The following CEP290 variants were observed in gnomAD, a reference collection of about 807,000 sequenced individuals.
CEP290 encodes the protein centrosomal protein of 290 kDa.
A neutral mutation model predicts 344.9 loss-of-function variants in CEP290; 317 were observed. The ratio of observed to expected loss-of-function variants is 0.92; its 90% CI spans 0.84 to 1.01. The LOEUF is 1.01. CEP290 is among the 50% of genes least tolerant of loss of function. The pLI is 0.00. For synonymous variants in CEP290, 932 were observed against 895.8 expected (o/e 1.04, Z -0.72); for missense variants, 2,754 against 2,761.4 (o/e 1.00, Z 0.06).
At chr12:88,123,041 A>C (rs1234061551) in intron 13 of CEP290, among the ~76,000 whole-genome samples, 3 of 152,046 alleles carry the variant, frequency 2.0e-5, no homozygotes, top group African/African-American at 7.2e-5. Context: ...AGCCACCTAC[A>C]TCGATATCTA....
intron 27 of CEP290, among the ~76,000 whole-genome samples, chr12:88,095,351 A>C (rs1198092171): frequency 6.6e-6 from 1 of 152,160 alleles, no homozygotes; most frequent in African/African-American, 2.4e-5. Flanking sequence ...TTTTTAAACA[A>C]AGATATAAGG....
chr12:88,081,210 G>A (rs1035623482), intron 37 of CEP290, among the ~76,000 whole-genome samples: 1 of 151,926 alleles, frequency 6.6e-6, no homozygotes, highest in African/African-American at 2.4e-5. Flanking sequence ...TCCAGACATC[G>A]CCAAATGTCC....
chr12:88,089,463 T>C lies in CEP290; in HGVS notation c.3598A>G (p.Ile1200Val). 1.3e-6 allele frequency: 2 copies of C among 1,557,040 alleles called. No homozygotes were observed. The highest frequency in any genetic ancestry group is 1.7e-6 in the Non-Finnish European group (2 of 1,149,000). ...YQAQSDEKSL[I>V]AKLHQHNVSL... is the part of the protein sequence containing the mutation. Reference sequence around the variant, plus strand: ...ACATTATGTTGGTGCAACTTGGCAATGAGCGACTTTTCATCAGACTGTGCC... The same window carrying C: ...ACATTATGTTGGTGCAACTTGGCAACGAGCGACTTTTCATCAGACTGTGCC... The change falls in exon 31 of 54, where the codon ATT (isoleucine) becomes GTT (valine). Residue 1200 changes from isoleucine (I) to valine (V), a missense_variant. Coordinates refer to ENST00000552810, the MANE Select transcript of CEP290 (RefSeq NM_025114.4).
rs374880567 is a variant in CEP290, at chr12:88,086,520, T to C, written c.4195-22A>G. On this transcript the variant is annotated intron_variant, in intron 32 of 53. Transcript: ENST00000552810. ...GAAACTAAAAAAAGGACAATTTGTG[T>C]CAGACACATACACGAAGACATCAGG... 1.4e-5 allele frequency: 22 copies of C among 1,536,468 alleles called. No homozygotes were observed. The African/African-American group carries it at 2.0e-4, about 14-fold the overall frequency.
intron 2 of CEP290, 63 bp from the exon 3 acceptor site, chr12:88,141,096 T>C (rs1246615464): frequency 2.9e-6 from 4 of 1,359,892 alleles, no homozygotes; most frequent in Middle Eastern, 3.7e-4. Context: ...ATAAGAACAC[T>C]TCCAGATTGT....
rs1204519978 is a variant in CEP290 at position 88,140,891 on chromosome 12, T to C, written c.180+65A>G. ...GTATTTTCACAAAGATTACCTTATA[T>C]AAGAACAGATTTTTATAGTTCCACT... On this transcript the variant is annotated intron_variant, in intron 3 of 53. Coordinates refer to ENST00000552810, the MANE Select transcript of CEP290 (RefSeq NM_025114.4). 5 of 1,062,768 alleles carry C rather than the reference T, an allele frequency of 4.7e-6. No individual in the cohort carries two copies. In the African/African-American group the frequency reaches 6.6e-5, roughly 14 times the overall value. The allele number at this position is 1,062,768 out of a possible 1,614,324, so 65.8% of individuals were successfully genotyped here. A position where few individuals can be genotyped will look rare whatever the true frequency, so the allele number is the denominator to read the frequency against.
chr12:88,129,238 A>G (rs1197580879), intron 10 of CEP290, among the ~76,000 whole-genome samples: 1 of 151,976 alleles, frequency 6.6e-6, no homozygotes, highest in Non-Finnish European at 1.5e-5. Context: ...TATAGGTGAC[A>G]TTTAATAGTT....
chr12:88,049,992 A>AAG (rs1266947623), intron 53 of CEP290: 1 of 187,734 alleles, frequency 5.3e-6, no homozygotes, highest in Non-Finnish European at 1.1e-5. Flanking sequence ...ACAGTCTTAA[A>AAG]AGAGGTAAAA....
chr12:88,112,349 C>T (rs149283028), intron 20 of CEP290, among the ~76,000 whole-genome samples: 1 of 152,176 alleles, frequency 6.6e-6, no homozygotes, highest in Non-Finnish European at 1.5e-5. Context: ...CAATATTGAA[C>T]AATTGATCAA....
At position 88,053,633 on chromosome 12, in the gene CEP290, GT is replaced by G; in HGVS notation, c.7129+18del. The G allele has an allele frequency of 2.5e-6, 3 of 1,209,938 alleles. No homozygotes were observed. Among genetic ancestry groups the G allele is most frequent in the Admixed American group, 2.1e-5 (1 of 48,654 alleles). The allele number at this position is 1,209,938 out of a possible 1,614,324, so 75.0% of individuals were successfully genotyped here. On this transcript the variant is annotated intron_variant, in intron 52 of 53. Transcript: ENST00000552810. ...TCAAAAACTTGGGGGTAGCTAACAT[GT>G]TTTTTAAAATACATTACCAGGTATG... is the stretch of plus-strand genomic sequence containing the variant.
intron 13 of CEP290, among the ~76,000 whole-genome samples, chr12:88,123,045 A>AT (rs2039509133): frequency 6.6e-6 from 1 of 152,062 alleles, no homozygotes; most frequent in Admixed American, 6.6e-5. Flanking sequence ...ACCTACATCG[A>AT]TATCTATACA....
rs748110593 is a variant in CEP290, at chr12:88,077,326, T to G, written c.5605A>C (p.Asn1869His). 4 of 1,570,472 alleles carry G rather than the reference T, an allele frequency of 2.5e-6. No individual in the cohort carries two copies. Among genetic ancestry groups the G allele is most frequent in the Middle Eastern group, 3.3e-4 (2 of 5,974 alleles). The change falls in exon 41 of 54, where the codon AAT (asparagine) becomes CAT (histidine). Residue 1869 changes from asparagine (N) to histidine (H), a missense_variant. Asn to His is a moderately conservative substitution (Grantham distance 68, BLOSUM62 1). Coordinates refer to ENST00000552810, the MANE Select transcript of CEP290 (RefSeq NM_025114.4). ...AGTTCTTCAATTAGACTTTGTTTAT[T>G]ATCTGTCAGGGGTTTGCCCTAAAAA... ...SGLQGKPLTD[N>H]KQSLIEELQR...
At chr12:88,053,769 TA>T (rs748170262) in intron 51 of CEP290, 23 bp from the exon 52 acceptor site, 7 of 1,236,826 alleles carry the variant, frequency 5.7e-6, no homozygotes, top group Admixed American at 2.4e-5. Flanking sequence ...GATAATGTGT[TA>T]AAAAAATAAA....
chr12:88,075,456 T>C (rs1382847555), intron 41 of CEP290, among the ~76,000 whole-genome samples: 3 of 152,058 alleles, frequency 2.0e-5, no homozygotes, highest in Non-Finnish European at 2.9e-5. Flanking sequence ...GCATCTACTA[T>C]GTGCCAGCGA....
intron 11 of CEP290, among the ~76,000 whole-genome samples, chr12:88,126,984 AT>A (rs1382754715): frequency 6.6e-6 from 1 of 152,184 alleles, no homozygotes; most frequent in Admixed American, 6.5e-5. Context: ...CACATTAAAA[AT>A]ATTCATAAAG....
chr12:88,095,056 G>GAT (rs2037330358), intron 27 of CEP290, among the ~76,000 whole-genome samples: 3 of 152,074 alleles, frequency 2.0e-5, no homozygotes, highest in Non-Finnish European at 1.5e-5. Flanking sequence ...TCACTAACAG[G>GAT]TGCTAAAAGC....
At chr12:88,068,757 T>C (rs914657283) in intron 43 of CEP290, 112 bp from the exon 44 acceptor site, 6 of 1,028,798 alleles carry the variant, frequency 5.8e-6, no homozygotes, top group Non-Finnish European at 8.3e-6. Context: ...ATTAACACTA[T>C]ATTTTAAATT....
At chr12:88,072,501 A>G (rs1321916911) in intron 41 of CEP290, among the ~76,000 whole-genome samples, 1 of 152,172 alleles carries the variant, frequency 6.6e-6, no homozygotes, top group Non-Finnish European at 1.5e-5. Context: ...TTCTATCACA[A>G]GACAAATAAA....
At chr12:88,117,233 T>G (rs921282077) in intron 17 of CEP290, 88 bp from the exon 18 acceptor site, 1 of 646,354 alleles carries the variant, frequency 1.5e-6, no homozygotes, top group Non-Finnish European at 2.6e-6. Context: ...TACAATCAAG[T>G]TTTAATGCAA....
Sources: gnomAD v4.1 joint callset for allele counts (sites outside exome capture counted in the v4.1 genomes callset) on GRCh38, gnomAD v4.1.1 for gene constraint, MANE v1.5 for transcripts, NCBI Gene and HGNC (gene_info 2026-07-23, HGNC 2026-07-21) for gene names.